The following NEDD9 variants were observed in gnomAD, a reference collection of about 807,000 sequenced individuals.
NEDD9 encodes neural precursor cell expressed, developmentally down-regulated 9.
NEDD9 carries 26 observed loss-of-function variants against 76.6 expected under a neutral mutation model. The observed-to-expected ratio is 0.34, with a 90% confidence interval of 0.25 to 0.47. The LOEUF is 0.47. Among genes scored for constraint, NEDD9 ranks in the 20% least tolerant of loss-of-function variants. NEDD9 has a pLI of 1.00. For missense variants in NEDD9, 937 were observed against 1,058.5 expected (o/e 0.89, Z 1.59); for synonymous variants, 392 against 414.2 (o/e 0.95, Z 0.65).
chr6:11,336,491 A>C lies in NEDD9; in HGVS notation c.-213-1930T>G, dbSNP rs148630996. 5.3e-4 allele frequency among the ~76,000 whole-genome samples: 80 copies of C among 152,322 alleles called. No individual in the cohort carries two copies. In the East Asian group the frequency reaches 8.7e-3, roughly 17 times the overall value. Reference sequence around the variant, plus strand: ...AAATACTTCCTACCTAAACATAGAAAATGTTCAGTATGAATATGGATATAA... The same window carrying C: ...AAATACTTCCTACCTAAACATAGAACATGTTCAGTATGAATATGGATATAA... On this transcript the variant is annotated intron_variant, in intron 1 of 3. Coordinates refer to the NEDD9 transcript ENST00000397378.
At chr6:11,274,219 A>C (rs1760373447) in intron 3 of NEDD9, among the ~76,000 whole-genome samples, 1 of 152,194 alleles carries the variant, frequency 6.6e-6, no homozygotes, top group African/African-American at 2.4e-5. Context: ...GTATTTTGTT[A>C]TAAAGGGGTA....
At chr6:11,191,896 T>A (rs1020381128) in intron 4 of NEDD9, among the ~76,000 whole-genome samples, 7 of 152,124 alleles carry the variant, frequency 4.6e-5, no homozygotes, top group Admixed American at 4.6e-4. Flanking sequence ...TCCCAGCTAC[T>A]TGGGAGCCTG....
chr6:11,186,131 A>G (rs1416311413), intron 6 of NEDD9, among the ~76,000 whole-genome samples: 1 of 152,144 alleles, frequency 6.6e-6, no homozygotes, highest in Non-Finnish European at 1.5e-5. Context: ...GAAAGCCTCG[A>G]CTATCTCAGG....
intron 1 of NEDD9, among the ~76,000 whole-genome samples, chr6:11,353,590 A>G (rs1044829540): frequency 1.3e-5 from 2 of 152,224 alleles, no homozygotes; most frequent in Non-Finnish European, 2.9e-5. Flanking sequence ...TATTTCTGTC[A>G]TCTGAAGCCA....
rs1757932920 is a variant in NEDD9, at chr6:11,184,764, G to A, written c.*398C>T. ...GACGTGGAGAACAATATTATAACCA[G>A]CTGGTATGTTTTTAACAACAACAAA... On this transcript the variant is annotated 3_prime_UTR_variant, in exon 7 of 7. Coordinates refer to ENST00000379446, the MANE Select transcript of NEDD9 (RefSeq NM_006403.4). 6.1e-6 allele frequency: 1 copy of A among 164,470 alleles called. No homozygotes were observed. Among genetic ancestry groups the A allele is most frequent in the African/African-American group, 2.4e-5 (1 of 41,562 alleles). The allele number at this position is 164,470 out of a possible 1,614,324, so 10.2% of individuals were successfully genotyped here.
chr6:11,234,993 T>G (rs1037910875), upstream of NEDD9, among the ~76,000 whole-genome samples: 2 of 152,194 alleles, frequency 1.3e-5, no homozygotes, highest in Non-Finnish European at 2.9e-5. Flanking sequence ...ATTACAGGCG[T>G]GGGCCACTGT....
chr6:11,317,652 G>A (rs1477183927), intron 2 of NEDD9, among the ~76,000 whole-genome samples: 1 of 152,176 alleles, frequency 6.6e-6, no homozygotes, highest in Non-Finnish European at 1.5e-5. Flanking sequence ...TTGTGAATGA[G>A]AGATGAGAAA....
chr6:11,187,567 A>G (rs1296487506), intron 6 of NEDD9, among the ~76,000 whole-genome samples: 1 of 151,578 alleles, frequency 6.6e-6, no homozygotes, highest in African/African-American at 2.4e-5. Flanking sequence ...GAGAGAGAGA[A>G]AGAGAAATGG....
chr6:11,284,613 C>T (rs984345353), intron 3 of NEDD9, among the ~76,000 whole-genome samples: 12 of 151,242 alleles, frequency 7.9e-5, no homozygotes, highest in African/African-American at 2.7e-4. Flanking sequence ...CTACTTCTAG[C>T]AAATTCAGTT....
At chr6:11,251,943 G>C (rs1049301870) in intron 3 of NEDD9, among the ~76,000 whole-genome samples, 7 of 152,008 alleles carry the variant, frequency 4.6e-5, no homozygotes, top group Non-Finnish European at 8.8e-5. Context: ...TGTGTGTGTG[G>C]GGGGGGATGG....
At chr6:11,236,271 G>C (rs2113280135), upstream of NEDD9, among the ~76,000 whole-genome samples, 1 of 152,222 alleles carries the variant, frequency 6.6e-6, no homozygotes, top group South Asian at 2.1e-4. The surrounding 1 kb of genome is among the most constrained non-coding windows in gnomAD (Gnocchi z 5.5). Flanking sequence ...CACTCCGGTG[G>C]GCATCCCCTC....
chr6:11,376,365 G>A (rs75417480), intron 1 of NEDD9, among the ~76,000 whole-genome samples: 10,563 of 152,242 alleles, frequency 0.069, 402 homozygotes, highest in Non-Finnish European at 0.071. Flanking sequence ...TTAAATGGTT[G>A]TGACCAAAAT....
At chr6:11,192,298 G>A in intron 4 of NEDD9, 47 bp downstream of exon 4, 2 of 607,782 alleles carry the variant, frequency 3.3e-6, no homozygotes, top group Non-Finnish European at 5.3e-6. Context: ...CCGACACACA[G>A]ACACACACAC....
At chr6:11,222,331 A>G (rs1243969899) in intron 1 of NEDD9, among the ~76,000 whole-genome samples, 1 of 152,174 alleles carries the variant, frequency 6.6e-6, no homozygotes. Flanking sequence ...CCTGATTGGT[A>G]TTATCTACTT....
intron 2 of NEDD9, among the ~76,000 whole-genome samples, chr6:11,324,290 C>T (rs1761875840): frequency 6.6e-6 from 1 of 152,176 alleles, no homozygotes; most frequent in Non-Finnish European, 1.5e-5. Flanking sequence ...CCTGGCATGG[C>T]ATGTGCTCTC....
intron 3 of NEDD9, among the ~76,000 whole-genome samples, chr6:11,293,189 A>T (rs1760815466): frequency 6.9e-6 from 1 of 144,300 alleles, no homozygotes; most frequent in Admixed American, 7.1e-5. Context: ...AGACAATCTA[A>T]GTCTATGTTT....
chr6:11,311,453 C>T (rs1346333673), intron 2 of NEDD9, among the ~76,000 whole-genome samples: 2 of 152,286 alleles, frequency 1.3e-5, no homozygotes, highest in South Asian at 2.1e-4. Flanking sequence ...GTGAAACGAT[C>T]GATTTCTGTT....
At chr6:11,335,142 T>C (rs1762130118) in intron 1 of NEDD9, among the ~76,000 whole-genome samples, 1 of 152,192 alleles carries the variant, frequency 6.6e-6, no homozygotes, top group African/African-American at 2.4e-5. Context: ...AAAATCACCA[T>C]TTGGTGGTGT....
At chr6:11,257,775 C>CTCTG (rs1760032305) in intron 3 of NEDD9, among the ~76,000 whole-genome samples, 1 of 142,966 alleles carries the variant, frequency 7.0e-6, no homozygotes, top group Non-Finnish European at 1.5e-5. Context: ...AATGTAGATT[C>CTCTG]TGTGTGTGTG....
Sources: gnomAD v4.1 joint callset for allele counts (sites outside exome capture counted in the v4.1 genomes callset) on GRCh38, gnomAD v4.1.1 for gene constraint, Gnocchi (gnomAD v3.1) non-coding constraint, MANE v1.5 for transcripts, NCBI Gene and HGNC (gene_info 2026-07-23, HGNC 2026-07-21) for gene names.